Variants in TTN observed in about 807,000 individuals in gnomAD.
TTN encodes connectin.
In TTN, 1,525 loss-of-function variants were observed where a neutral mutation model predicts 3,223.0. The ratio of observed to expected loss-of-function variants is 0.47; its 90% CI spans 0.45 to 0.49. TTN has a LOEUF of 0.49. TTN is among the 20% of genes least tolerant of loss of function. The probability of loss-of-function intolerance (pLI) is 0.00; values close to 1 mark genes in which losing one functional copy is unlikely to be tolerated. For missense variants in TTN, 40,786 were observed against 43,424.0 expected, an observed-to-expected ratio of 0.94 and a Z score of 5.40; for synonymous variants, 14,094 against 15,161.0, an observed-to-expected ratio of 0.93 and a Z score of 5.17.
In TTN at chr2:178,592,993, C is replaced by T; in HGVS notation, c.59126G>A (p.Gly19709Glu). Residue 19709 changes from glycine (G) to glutamate (E), a missense_variant, in exon 300 of 363, where the codon GGG (glycine) becomes GAG (glutamate). Coordinates refer to ENST00000589042, the MANE Select transcript of TTN (RefSeq NM_001267550.2). ...LTWQPPRHDG[G>E]SKILGYIVEY... Reference sequence around the variant, plus strand: ...AACAATATAACCCAGAATCTTGCTCCCACCATCATGACGTGGTGGCTGCCA... The same window carrying T: ...AACAATATAACCCAGAATCTTGCTCTCACCATCATGACGTGGTGGCTGCCA... 6.2e-7 allele frequency: 1 copy of T among 1,613,428 alleles called. No homozygotes were observed. The highest frequency in any genetic ancestry group is 8.5e-7 in the Non-Finnish European group (1 of 1,179,622).
At chr2:178,701,294 T>G (rs951084503) in intron 110 of TTN, 91 bp from the exon 111 acceptor site, 5 of 1,223,714 alleles carry the variant, frequency 4.1e-6, no homozygotes, top group East Asian at 2.3e-5. Flanking sequence ...TTTCAGTACT[T>G]CATAGGTATT....
In TTN at chr2:178,597,702, T is replaced by C; in HGVS notation, c.57380A>G (p.Asn19127Ser). The C allele has an allele frequency of 6.2e-7, 1 of 1,613,342 alleles. No homozygotes were observed. Among genetic ancestry groups the C allele is most frequent in the Non-Finnish European group, 8.5e-7 (1 of 1,179,538 alleles). The change falls in exon 294 of 363, where the codon AAC becomes AGC. Residue 19127 changes from asparagine (N) to serine (S), a missense_variant. Coordinates refer to ENST00000589042, the MANE Select transcript of TTN (RefSeq NM_001267550.2). ...TTGAGGTAAGGTTCTTTCATTCATG[T>C]TCCAGGTGACGGTTGGAGGAGGCTT... Reference protein sequence around the residue: ...SGKPPPTVTWNMNERTLPQEA... With the variant: ...SGKPPPTVTWSMNERTLPQEA...
chr2:178,739,285 A>ACTTTT lies in TTN; in HGVS notation c.13943_13947dup (p.Phe4650LysfsTer14), dbSNP rs767038068. The ACTTTT allele has an allele frequency of 6.2e-7, 1 of 1,612,820 alleles. No homozygotes were observed. The highest frequency in any genetic ancestry group is 8.5e-7 in the Non-Finnish European group (1 of 1,179,140). On this transcript the variant is annotated frameshift_variant, in exon 48 of 363. Coordinates refer to ENST00000589042, the MANE Select transcript of TTN (RefSeq NM_001267550.2). LOFTEE classifies it high-confidence loss of function. Reference sequence around the variant, plus strand: ...GTATTTTGATCTTGTAAACACTTGAACTTTTCATCTGAAGGCACCAGTTTA... The same window carrying ACTTTT: ...GTATTTTGATCTTGTAAACACTTGAACTTTTCTTTTCATCTGAAGGCACCAGTTTA...
chr2:178,621,437 T>TATA (rs777178235), intron 245 of TTN, 38 bp downstream of exon 245: 29 of 1,575,840 alleles, frequency 1.8e-5, no homozygotes, highest in Non-Finnish European at 2.2e-5. Flanking sequence ...AAGTGTGAAT[T>TATA]GTTAGAAATA....
rs78850256 is a variant in TTN, at chr2:178,638,513, G to C, written c.40877-1094C>G. ...ATGGACATTTCTAAATGTTATTCCC[G>C]GGGCCTATGCACATCTCACTGTGGA... On this transcript the variant is annotated intron_variant, in intron 223 of 362. Coordinates refer to ENST00000589042, the MANE Select transcript of TTN (RefSeq NM_001267550.2). Among the ~76,000 whole-genome samples, 1,201 of 149,506 alleles carry C rather than the reference G, an allele frequency of 8.0e-3. 20 individuals carry two copies. The highest frequency in any genetic ancestry group is 0.028 in the African/African-American group (1,153 of 40,838).
Position 178,538,692 on chromosome 2 carries a change from T to G in TTN, c.99137A>C (p.Lys33046Thr). 1 of 1,613,802 alleles carries G rather than the reference T, an allele frequency of 6.2e-7. No homozygotes were observed. The highest frequency in any genetic ancestry group is 8.5e-7 in the Non-Finnish European group (1 of 1,179,756). ...CTTAATACGTTCCTTATTGCTCTTC[T>G]TCCAGGCACTGTCTCCAGACTGTCT... Reference protein sequence around the residue: ...EYRQSGDSAWKKSNKERIKDK... With the variant: ...EYRQSGDSAWTKSNKERIKDK... The change falls in exon 354 of 363, where the codon AAG becomes ACG. Residue 33046 changes from lysine to threonine, a missense_variant. Coordinates refer to ENST00000589042, the MANE Select transcript of TTN (RefSeq NM_001267550.2).
Position 178,571,386 on chromosome 2 carries a change from C to T in TTN, c.74746G>A (p.Val24916Ile), listed in dbSNP as rs764600357. ...FKVPGPPGTP[V>I]VTLSSRDSME... ...CTGTCCCTGGAGGACAGTGTGACAA[C>T]TGGAGTGCCAGGAGGACCAGGAACT... The change falls in exon 326 of 363, where the codon GTT (valine) becomes ATT (isoleucine). Residue 24916 changes from valine (V) to isoleucine (I), a missense_variant. Physicochemically the swap from Val to Ile is conservative, Grantham distance 29. Coordinates refer to ENST00000589042, the MANE Select transcript of TTN (RefSeq NM_001267550.2). The T allele has an allele frequency of 6.2e-7, 1 of 1,613,424 alleles. No individual in the cohort carries two copies. The highest frequency in any genetic ancestry group is 8.5e-7 in the Non-Finnish European group (1 of 1,179,564).
chr2:178,602,688 TA>T (rs2053763964), intron 282 of TTN, 98 bp from the exon 283 acceptor site: 2 of 864,418 alleles, frequency 2.3e-6, no homozygotes, highest in East Asian at 6.4e-5. Flanking sequence ...TTTAATCTAT[TA>T]AAATATTAAA....
chr2:178,799,948 C>A (rs375646528), intron 4 of TTN, 38 bp from the exon 5 acceptor site: 5 of 1,595,476 alleles, frequency 3.1e-6, no homozygotes, highest in African/African-American at 2.7e-5. Context: ...GGAGGGGGCA[C>A]AATGACCCAT....
rs759735126 is a variant in TTN, at chr2:178,689,536, C to T, written c.31906G>A (p.Glu10636Lys). 6.2e-7 allele frequency: 1 copy of T among 1,610,324 alleles called. No homozygotes were observed. The highest frequency in any genetic ancestry group is 2.2e-5 in the East Asian group (1 of 44,850). The change falls in exon 123 of 363, where the codon GAG becomes AAG. Residue 10636 changes from glutamate (E) to lysine (K), a missense_variant. Transcript: ENST00000589042. Reference protein sequence around the residue: ...EEKITIVTQREESPPPAVPEI... With the variant: ...EEKITIVTQRKESPPPAVPEI... ...GTACCTGCTGGTGGTGGAGATTCCT[C>T]TCTTTGAGTTACAATGGTTATTTTT... is the stretch of plus-strand genomic sequence containing the variant.
intron 47 of TTN, chr2:178,747,284 T>A: frequency 6.2e-7 from 1 of 1,613,284 alleles, no homozygotes; most frequent in Non-Finnish European, 8.5e-7. Context: ...AGGTGTTGAA[T>A]ATCTTTCAGC....
Position 178,544,075 on chromosome 2 carries a change from A to G in TTN, c.96069T>C (p.Thr32023=). 1 of 1,612,818 alleles carries G rather than the reference A, an allele frequency of 6.2e-7. No homozygotes were observed. Among genetic ancestry groups the G allele is most frequent in the South Asian group, 1.1e-5 (1 of 91,008 alleles). The change falls in exon 346 of 363, where the codon ACT becomes ACC. Residue 32023 remains threonine (T), a synonymous_variant. Coordinates refer to ENST00000589042, the MANE Select transcript of TTN (RefSeq NM_001267550.2). ...AGGAGGCCCCAGCCCTGATGGTCAC[A>G]GTCTTCTTTAGATCATCTGCAAGCT... ...DLELADDLKK[T]VTIRAGASLR... is the part of the protein sequence containing the mutation.
chr2:178,779,448 A>G lies in TTN; in HGVS notation c.3744T>C (p.Ser1248=), dbSNP rs781616288. ...CTTTAATAAGTCTCTCTTCAAAGGAAGAAATATGGAATTCCTATGCAAAAA... is the reference window on the plus strand; with the variant it reads ...CTTTAATAAGTCTCTCTTCAAAGGAGGAAATATGGAATTCCTATGCAAAAA... ...TYVEDQEFHI[S]SFEERLIKEI... Residue 1248 remains serine (S), a synonymous_variant, in exon 23 of 363, where the codon TCT becomes TCC. Coordinates refer to ENST00000589042, the MANE Select transcript of TTN (RefSeq NM_001267550.2). The G allele has an allele frequency of 6.5e-7, 1 of 1,537,232 alleles. No individual in the cohort carries two copies. Among genetic ancestry groups the G allele is most frequent in the Non-Finnish European group, 9.0e-7 (1 of 1,114,422 alleles).
In TTN at chr2:178,554,516, C is replaced by A. The variant is rs79299277; in HGVS notation, c.88831G>T (p.Val29611Leu). Residue 29611 changes from valine to leucine, a missense_variant, in exon 332 of 363, where the codon GTG (valine) becomes TTG (leucine). Val to Leu is a conservative substitution (Grantham distance 32). Transcript: ENST00000589042. ...GGCTCGCCAATTCCATATTTGTTCA[C>A]GGCTCGGACCCGGAAGATGTATTCA... ...GNEYIFRVRA[V>L]NKYGIGEPLE... 10 of 1,613,296 alleles carry A rather than the reference C, an allele frequency of 6.2e-6. No homozygotes were observed. In the African/African-American group the frequency reaches 1.3e-4, roughly 22 times the overall value.
At chr2:178,631,967 A>C (rs2059858706) in intron 236 of TTN, among the ~76,000 whole-genome samples, 180 bp downstream of exon 236, 1 of 152,076 alleles carries the variant, frequency 6.6e-6, no homozygotes, top group Non-Finnish European at 1.5e-5. Context: ...ATCTTCATTA[A>C]CTTATAGTAA....
intron 3 of TTN, 47 bp downstream of exon 3, chr2:178,802,091 G>C: frequency 6.2e-7 from 1 of 1,610,478 alleles, no homozygotes; most frequent in Non-Finnish European, 8.5e-7. Flanking sequence ...ATTTGCTGGA[G>C]ATGTCCTCTG....
intron 44 of TTN, chr2:178,758,773 G>T: frequency 1.7e-6 from 1 of 594,386 alleles, no homozygotes; most frequent in South Asian, 2.0e-5. Context: ...GAGAAAAAGC[G>T]GGGCCAAATG....
chr2:178,533,003 T>A lies in TTN; in HGVS notation c.103612A>T (p.Met34538Leu), dbSNP rs376233324. 6.2e-7 allele frequency: 1 copy of A among 1,613,952 alleles called. No homozygotes were observed. Among genetic ancestry groups the A allele is most frequent in the Non-Finnish European group, 8.5e-7 (1 of 1,179,860 alleles). The change falls in exon 358 of 363, where the codon ATG (methionine) becomes TTG (leucine). Residue 34538 changes from methionine (M) to leucine (L), a missense_variant. By Grantham distance (15) the Met-to-Leu change is conservative. Coordinates refer to ENST00000589042, the MANE Select transcript of TTN (RefSeq NM_001267550.2). ...CGTGGCTCTGGTACATCATAAGGCA[T>A]CCGGAGTTTTCTCTCCTCCTTCTTT... ...EEKKEERKLR[M>L]PYDVPEPRKY...
At position 178,739,584 on chromosome 2, in the gene TTN, G is replaced by A; in HGVS notation, c.13649C>T (p.Thr4550Ile). 6.2e-7 allele frequency: 1 copy of A among 1,613,820 alleles called. No homozygotes were observed. Reference protein sequence around the residue: ...VQSRVKYLDATPVTKGVASAV... With the variant: ...VQSRVKYLDAIPVTKGVASAV... ...TGAAGCAACCCCTTTAGTGACAGGTGTGGCATCCAAATATTTAACCCTACT... is the reference window on the plus strand; with the variant it reads ...TGAAGCAACCCCTTTAGTGACAGGTATGGCATCCAAATATTTAACCCTACT... The change falls in exon 48 of 363, where the codon ACA becomes ATA. Residue 4550 changes from threonine (T) to isoleucine (I), a missense_variant. Thr to Ile is a moderately conservative substitution (Grantham distance 89). Transcript: ENST00000589042.
Sources: gnomAD v4.1 joint callset for allele counts (sites outside exome capture counted in the v4.1 genomes callset) on GRCh38, gnomAD v4.1.1 for gene constraint, MANE v1.5 for transcripts, NCBI Gene and HGNC (gene_info 2026-07-23, HGNC 2026-07-21) for gene names.